LRPPRC: variants seen among roughly 807,000 people sequenced by gnomAD.
The protein encoded by LRPPRC is leucine rich pentatricopeptide repeat containing.
A neutral mutation model predicts 180.3 loss-of-function variants in LRPPRC; 120 were observed. The ratio of observed to expected loss-of-function variants is 0.67; its 90% CI spans 0.57 to 0.77. The LOEUF is 0.77. Among genes scored for constraint, LRPPRC ranks in the 30% least tolerant of loss-of-function variants. The probability of loss-of-function intolerance (pLI) is 0.00; values close to 1 mark genes in which losing one functional copy is unlikely to be tolerated. For synonymous variants in LRPPRC, 723 were observed against 600.0 expected (o/e 1.21, Z -3.00); for missense variants, 2,012 against 1,657.2 (o/e 1.21, Z -3.72).
intron 16 of LRPPRC, 56 bp from the exon 17 acceptor site, chr2:43,948,574 A>G: frequency 2.3e-6 from 2 of 870,414 alleles, no homozygotes. Flanking sequence ...CTGTCATGTT[A>G]TCAAGATTAA....
chr2:43,958,137 C>T (rs1228300065), intron 13 of LRPPRC, among the ~76,000 whole-genome samples: 2 of 152,220 alleles, frequency 1.3e-5, no homozygotes, highest in Admixed American at 6.5e-5. Context: ...TCACACCTTA[C>T]ACTGACTCTT....
chr2:43,994,941 C>T (rs977352871), intron 1 of LRPPRC, among the ~76,000 whole-genome samples: 2 of 152,220 alleles, frequency 1.3e-5, no homozygotes, highest in Non-Finnish European at 2.9e-5. Flanking sequence ...TGTGCTCATT[C>T]ATTCAAAGAC....
At chr2:43,964,893 T>C (rs2103677216) in intron 11 of LRPPRC, among the ~76,000 whole-genome samples, 1 of 152,262 alleles carries the variant, frequency 6.6e-6, no homozygotes, top group Non-Finnish European at 1.5e-5. Context: ...CAATAAATGG[T>C]GCTGGAGCTG....
Position 43,974,355 on chromosome 2 carries a change from C to A in LRPPRC, c.1010-60G>T, listed in dbSNP as rs1159313261. 14 of 1,199,490 alleles carry A rather than the reference C, an allele frequency of 1.2e-5. No homozygotes were observed. The Admixed American group carries it at 2.0e-4, about 17-fold the overall frequency. The allele number at this position is 1,199,490 out of a possible 1,614,324, so 74.3% of individuals were successfully genotyped here. A position where few individuals can be genotyped will look rare whatever the true frequency, so the allele number is the denominator to read the frequency against. On this transcript the variant is annotated intron_variant, in intron 8 of 37. Coordinates refer to ENST00000260665, the MANE Select transcript of LRPPRC (RefSeq NM_133259.4). The stretch of plus-strand genomic sequence containing the variant: ...ACTGAACAATATTTTTACACTGCAA[C>A]CAATGTTCCAATACTGAAGACAAAA...
At chr2:43,968,603 G>C (rs1263311457) in intron 11 of LRPPRC, among the ~76,000 whole-genome samples, 2 of 152,184 alleles carry the variant, frequency 1.3e-5, no homozygotes, top group Non-Finnish European at 2.9e-5. Context: ...GCCTTTAGAA[G>C]TCAACTAATC....
At chr2:43,987,722 C>T (rs1200756063) in intron 1 of LRPPRC, among the ~76,000 whole-genome samples, 3 of 152,086 alleles carry the variant, frequency 2.0e-5, no homozygotes, top group African/African-American at 7.2e-5. Context: ...AGGCTTCAGC[C>T]TCTCTTCATA....
intron 23 of LRPPRC, among the ~76,000 whole-genome samples, chr2:43,942,474 G>C (rs1672517971): frequency 6.6e-6 from 1 of 152,118 alleles, no homozygotes; most frequent in African/African-American, 2.4e-5. Context: ...AGACTGTAGA[G>C]GTTAAGATTT....
chr2:43,914,734 A>G (rs1671381671), intron 29 of LRPPRC, among the ~76,000 whole-genome samples: 1 of 152,182 alleles, frequency 6.6e-6, no homozygotes, highest in Admixed American at 6.5e-5. Context: ...GCCTCAAAAA[A>G]AAAGAAAAGA....
At chr2:43,995,606 G>A (rs1403624431) in intron 1 of LRPPRC, among the ~76,000 whole-genome samples, 193 bp downstream of exon 1, 5 of 152,220 alleles carry the variant, frequency 3.3e-5, no homozygotes, top group East Asian at 1.9e-4. Context: ...CCACAGCCGT[G>A]ACCTTCTGAA....
At chr2:43,972,842 C>A (rs1673878069) in intron 11 of LRPPRC, among the ~76,000 whole-genome samples, 1 of 152,142 alleles carries the variant, frequency 6.6e-6, no homozygotes, top group African/African-American at 2.4e-5. Context: ...CATTCCAAAG[C>A]ACATTATACT....
intron 12 of LRPPRC, 119 bp from the exon 13 acceptor site, chr2:43,960,753 G>C: frequency 1.4e-6 from 1 of 721,898 alleles, no homozygotes; most frequent in Non-Finnish European, 2.5e-6. Context: ...TAGAAAAATA[G>C]ATAAGCTCAG....
intron 1 of LRPPRC, among the ~76,000 whole-genome samples, chr2:43,986,429 C>A (rs1674529345): frequency 6.6e-6 from 1 of 152,096 alleles, no homozygotes; most frequent in Non-Finnish European, 1.5e-5. Flanking sequence ...CATGCCCAGG[C>A]CATACACGTT....
intron 31 of LRPPRC, chr2:43,902,940 C>A (rs1317981450): frequency 6.6e-6 from 1 of 152,190 alleles, no homozygotes; most frequent in Non-Finnish European, 1.5e-5. Flanking sequence ...GCTACTGTCA[C>A]AACTACCCTT....
rs1191557707 is a variant in LRPPRC, at chr2:43,963,653, C to G, written c.1423G>C (p.Glu475Gln). ...GGAATCACATAATCTGTATATGTTT[C>G]CTGATCAGGATGTACTCCCAATTCT... Reference protein sequence around the residue: ...MQELGVHPDQETYTDYVIPCF... With the variant: ...MQELGVHPDQQTYTDYVIPCF... The change falls in exon 12 of 38, where the codon GAA becomes CAA. Residue 475 changes from glutamate (E) to glutamine (Q), a missense_variant. Transcript: ENST00000260665. 3 of 1,612,450 alleles carry G rather than the reference C, an allele frequency of 1.9e-6. No homozygotes were observed. Among genetic ancestry groups the G allele is most frequent in the Non-Finnish European group, 2.5e-6 (3 of 1,178,768 alleles).
Position 43,973,839 on chromosome 2 carries a change from G to T in LRPPRC, c.1217C>A (p.Pro406His). The T allele has an allele frequency of 5.0e-6, 8 of 1,613,828 alleles. No individual in the cohort carries two copies. The highest frequency in any genetic ancestry group is 6.8e-6 in the Non-Finnish European group (8 of 1,179,784). Reference protein sequence around the residue: ...KLKEVQMHSFPLQFTLHCALL... With the variant: ...KLKEVQMHSFHLQFTLHCALL... ...AGCACAATGGAGGGTGAACTGCAGA[G>T]GAAAGGAGTGCATCTGGACTTCCTT... The change falls in exon 10 of 38, where the codon CCT becomes CAT. Residue 406 changes from proline (P) to histidine (H), a missense_variant. Transcript: ENST00000260665.
intron 25 of LRPPRC, 84 bp from the exon 26 acceptor site, chr2:43,926,045 T>A: frequency 1.2e-6 from 1 of 811,232 alleles, no homozygotes; most frequent in South Asian, 1.4e-5. Context: ...TTTCTTTTCT[T>A]ATGAATTTGC....
chr2:43,995,701 G>A (rs544202947), intron 1 of LRPPRC, 98 bp downstream of exon 1: 7 of 1,148,896 alleles, frequency 6.1e-6, no homozygotes, highest in African/African-American at 4.9e-5. Flanking sequence ...CGGGGAGAAG[G>A]GTGGCGAGCA....
intron 25 of LRPPRC, among the ~76,000 whole-genome samples, chr2:43,932,618 G>C (rs1309011810): frequency 6.6e-6 from 1 of 152,050 alleles, no homozygotes; most frequent in Non-Finnish European, 1.5e-5. Context: ...ATCATATTTT[G>C]AATTATGTGA....
chr2:43,946,273 G>A (rs1464927579), intron 20 of LRPPRC, 30 bp from the exon 21 acceptor site: 1 of 1,585,300 alleles, frequency 6.3e-7, no homozygotes, highest in Non-Finnish European at 8.7e-7. Context: ...TGAAAAAGAA[G>A]AAATCAGTGT....
Sources: allele counts gnomAD v4.1 joint callset (sites outside exome capture counted in the v4.1 genomes callset), GRCh38; gene constraint gnomAD v4.1.1; transcripts MANE v1.5; gene names NCBI Gene and HGNC (gene_info 2026-07-23, HGNC 2026-07-21).